The following TRRAP variants were observed in gnomAD, a reference collection of about 807,000 sequenced individuals.
TRRAP encodes the protein transformation/transcription domain associated protein.
In TRRAP, 41 loss-of-function variants were observed where a neutral mutation model predicts 438.8. The observed-to-expected ratio is 0.09, with a 90% CI of 0.07 to 0.12. The LOEUF (loss-of-function observed/expected upper bound fraction) is 0.12. TRRAP is among the 10% of genes least tolerant of loss of function. The pLI is 1.00. For missense variants in TRRAP, 3,122 were observed against 5,055.1 expected, an observed-to-expected ratio of 0.62 and a Z score of 11.60; for synonymous variants, 1,994 against 1,962.9, an observed-to-expected ratio of 1.02 and a Z score of -0.42.
chr7:98,957,945 G>A (rs1019107828), intron 43 of TRRAP, 36 bp from the exon 44 acceptor site: 9 of 1,588,492 alleles, frequency 5.7e-6, no homozygotes, highest in African/African-American at 5.4e-5. Flanking sequence ...TTAGTGTTGC[G>A]ATTCTCTTCC....
chr7:98,945,358 G>A (rs1325878563), intron 31 of TRRAP, among the ~76,000 whole-genome samples: 2 of 152,126 alleles, frequency 1.3e-5, no homozygotes, highest in African/African-American at 4.8e-5. Context: ...GACTGTAGCC[G>A]GGAAAGAGGT....
Position 98,950,863 on chromosome 7 carries a change from ATT to A in TRRAP, c.5335-6_5335-5del. ...TTTGTTTTTCTCCTTCTTTATTTAA[ATT>A]TTTTTTGTAGGTTCTGCAGCATATC... is the stretch of plus-strand genomic sequence containing the variant. On this transcript the variant is annotated splice_polypyrimidine_tract_variant and intron_variant, in intron 38 of 72. Transcript: ENST00000456197. 6.6e-7 allele frequency: 1 copy of A among 1,509,660 alleles called. No individual in the cohort carries two copies. Among genetic ancestry groups the A allele is most frequent in the East Asian group, 2.4e-5 (1 of 41,542 alleles). 93.5% of individuals were successfully genotyped at this position (1,509,660 alleles called of 1,614,324 possible). A position where few individuals can be genotyped will look rare whatever the true frequency, so the allele number is the denominator to read the frequency against.
chr7:98,992,074 A>G, intron 64 of TRRAP, 63 bp from the exon 65 acceptor site: 4 of 1,568,824 alleles, frequency 2.5e-6, no homozygotes, highest in Non-Finnish European at 3.5e-6. Flanking sequence ...TTTCAGTACA[A>G]ATTATCTTTA....
At chr7:98,978,422 C>G (rs552543900) in intron 57 of TRRAP, 99 bp downstream of exon 57, 1 of 1,099,190 alleles carries the variant, frequency 9.1e-7, no homozygotes, top group African/African-American at 1.6e-5. Flanking sequence ...TTAAAGAAAG[C>G]TTTGCTACTT....
At chr7:98,922,012 CTA>C in intron 21 of TRRAP, 59 bp downstream of exon 21, 1 of 1,604,452 alleles carries the variant, frequency 6.2e-7, no homozygotes, top group Non-Finnish European at 8.5e-7. Context: ...ATGTTTCAGT[CTA>C]TGTGAAATGT....
In TRRAP at chr7:98,917,433, G is replaced by A. The variant is rs1789564097; in HGVS notation, c.2376G>A (p.Met792Ile). 1 of 1,614,098 alleles carries A rather than the reference G, an allele frequency of 6.2e-7. No individual in the cohort carries two copies. Among genetic ancestry groups the A allele is most frequent in the Non-Finnish European group, 8.5e-7 (1 of 1,179,982 alleles). Residue 792 changes from methionine to isoleucine, a missense_variant, in exon 20 of 73, where the codon ATG becomes ATA. This residue lies in a region of TRRAP where 149 missense variants were observed against 302.8 expected (regional missense o/e 0.49). Transcript: ENST00000456197. Reference protein sequence around the residue: ...LLPNLLQGLNMLQSGLHKQHM... With the variant: ...LLPNLLQGLNILQSGLHKQHM... ...CACCCCCTTCCCTAGGGCTGAACAT[G>A]CTTCAGAGTGGCCTGCACAAGCAGC...
chr7:98,950,335 T>C, intron 38 of TRRAP, 73 bp downstream of exon 38: 1 of 1,540,918 alleles, frequency 6.5e-7, no homozygotes, highest in Non-Finnish European at 8.8e-7. Context: ...TGGGCCCTTT[T>C]CTTTTTTTGC....
rs1355373589 is a variant in TRRAP, at chr7:98,983,341, C to A, written c.8904C>A (p.Asn2968Lys). 1 of 1,614,208 alleles carries A rather than the reference C, an allele frequency of 6.2e-7. No individual in the cohort carries two copies. The change falls in exon 60 of 73, where the codon AAC (asparagine) becomes AAA (lysine). Residue 2968 changes from asparagine to lysine, a missense_variant. Coordinates refer to ENST00000456197, the MANE Select transcript of TRRAP (RefSeq NM_001375524.1). Reference sequence around the variant, plus strand: ...TACAGCCAACCAACCTGGGAAGGAACAACAGCCTGCACGACATGAAGACGG... The same window carrying A: ...TACAGCCAACCAACCTGGGAAGGAAAAACAGCCTGCACGACATGAAGACGG... ...AGLQPTNLGRNNSLHDMKTVV... is the reference protein window; with the variant it reads ...AGLQPTNLGRKNSLHDMKTVV...
chr7:98,956,056 CG>C lies in TRRAP; in HGVS notation c.5938-85del. ...TGTATGTTGGGGCTGAGAGGCATGTCGGGGGTGTGTGTGTGCACGTGCGCAC... is the reference window on the plus strand; with the variant it reads ...TGTATGTTGGGGCTGAGAGGCATGTCGGGGTGTGTGTGTGCACGTGCGCAC... On this transcript the variant is annotated intron_variant, in intron 41 of 72. Coordinates refer to ENST00000456197, the MANE Select transcript of TRRAP (RefSeq NM_001375524.1). This position sits in a 1 kb window ranked among gnomAD's most constrained non-coding sequence, Gnocchi z 4.5. The C allele has an allele frequency of 1.4e-6, 2 of 1,455,802 alleles. No individual in the cohort carries two copies. Among genetic ancestry groups the C allele is most frequent in the East Asian group, 2.3e-5 (1 of 43,112 alleles). The allele number at this position is 1,455,802 out of a possible 1,614,324, so 90.2% of individuals were successfully genotyped here.
rs566011555 is a variant in TRRAP at position 99,007,395 on chromosome 7, C to T, written c.10754-982C>T. 1.8e-4 allele frequency among the ~76,000 whole-genome samples: 27 copies of T among 152,374 alleles called. No homozygotes were observed. The South Asian group carries it at 5.4e-3, about 30-fold the overall frequency. ...ACGGAGTCTCACTCTCTCATTCAGG[C>T]TGGAGTGCAGTGGCGCAATCTCAGT... On this transcript the variant is annotated intron_variant, in intron 69 of 72. Transcript: ENST00000456197.
In TRRAP at chr7:98,993,577, C is replaced by A; in HGVS notation, c.9887C>A (p.Ser3296Tyr). Reference protein sequence around the residue: ...QQQPSSVGNQSHSASDPGPIR... With the variant: ...QQQPSSVGNQYHSASDPGPIR... Reference sequence around the variant, plus strand: ...CAGCCAAGTTCAGTGGGTAACCAGTCCCATTCTGCATCAGATCCAGGGCCC... The same window carrying A: ...CAGCCAAGTTCAGTGGGTAACCAGTACCATTCTGCATCAGATCCAGGGCCC... The change falls in exon 66 of 73, where the codon TCC becomes TAC. Residue 3296 changes from serine to tyrosine, a missense_variant. Transcript: ENST00000456197. 1.2e-6 allele frequency: 2 copies of A among 1,613,656 alleles called. No individual in the cohort carries two copies. The highest frequency in any genetic ancestry group is 1.7e-6 in the Non-Finnish European group (2 of 1,180,042).
At chr7:98,941,280 A>G (rs1283075886) in intron 30 of TRRAP, among the ~76,000 whole-genome samples, 3 of 151,932 alleles carry the variant, frequency 2.0e-5, no homozygotes, top group Non-Finnish European at 2.9e-5. Flanking sequence ...GGTTCAAGCA[A>G]TCCTCCCACC....
In TRRAP at chr7:98,949,729, C is replaced by T. The variant is rs149035665; in HGVS notation, c.5023C>T (p.Arg1675Ter). ...ASQHSLVSQLRRVWVSENFQE... is the reference protein window; with the variant it reads ...ASQHSLVSQL Reference sequence around the variant, plus strand: ...CCAGCACTCTCTGGTGAGCCAGTTGCGACGTGTGTGGGTGAGTGAGAACTT... The same window carrying T: ...CCAGCACTCTCTGGTGAGCCAGTTGTGACGTGTGTGGGTGAGTGAGAACTT... Residue 1675 changes from arginine to a stop codon, truncating the protein, a stop_gained, in exon 37 of 73, where the codon CGA becomes TGA. Coordinates refer to ENST00000456197, the MANE Select transcript of TRRAP (RefSeq NM_001375524.1). LOFTEE classifies it high-confidence loss of function. 1.2e-6 allele frequency: 2 copies of T among 1,613,868 alleles called. No homozygotes were observed. The highest frequency in any genetic ancestry group is 1.7e-6 in the Non-Finnish European group (2 of 1,180,048).
chr7:98,949,219 C>T (rs1791217006), intron 35 of TRRAP, among the ~76,000 whole-genome samples, 198 bp from the exon 36 acceptor site: 1 of 150,716 alleles, frequency 6.6e-6, no homozygotes, highest in South Asian at 2.1e-4. Flanking sequence ...GCAATAGACC[C>T]AAGACTCTGT....
chr7:98,952,634 C>G (rs1053416334), intron 39 of TRRAP, among the ~76,000 whole-genome samples: 1 of 152,076 alleles, frequency 6.6e-6, no homozygotes, highest in Non-Finnish European at 1.5e-5. Context: ...GACATTTGTG[C>G]CTTTCTCTAA....
intron 7 of TRRAP, among the ~76,000 whole-genome samples, chr7:98,897,422 C>A (rs902117071): frequency 2.6e-5 from 4 of 151,996 alleles, no homozygotes; most frequent in African/African-American, 9.7e-5. Context: ...TTAGCCAGGG[C>A]AAAAAGAGTA....
chr7:98,928,306 C>G (rs1554412000), intron 23 of TRRAP, among the ~76,000 whole-genome samples: 1 of 152,142 alleles, frequency 6.6e-6, no homozygotes, highest in African/African-American at 2.4e-5. Flanking sequence ...TGAAAACCTA[C>G]TGTCAATTTC....
At chr7:98,896,849 C>A (rs750796874) in intron 7 of TRRAP, among the ~76,000 whole-genome samples, 2 of 152,272 alleles carry the variant, frequency 1.3e-5, no homozygotes, top group South Asian at 2.1e-4. Context: ...AAAGCCCGAG[C>A]GCTGCTTTTC....
At chr7:98,970,078 C>T in intron 51 of TRRAP, 34 bp from the exon 52 acceptor site, 1 of 1,609,366 alleles carries the variant, frequency 6.2e-7, no homozygotes, top group Non-Finnish European at 8.5e-7. Context: ...CACGCGCATG[C>T]CTTGGGTCTG....
Sources: allele counts gnomAD v4.1 joint callset (sites outside exome capture counted in the v4.1 genomes callset), GRCh38; gene constraint gnomAD v4.1.1; regional missense constraint gnomAD v4.1.1; non-coding constraint Gnocchi (gnomAD v3.1); transcripts MANE v1.5; gene names NCBI Gene and HGNC (gene_info 2026-07-23, HGNC 2026-07-21).